Variants in WDR7 observed in about 807,000 individuals in gnomAD.
The protein encoded by WDR7 is WD repeat domain 7, also known as WD repeat-containing protein 7.
Under a neutral mutation model 169.4 loss-of-function variants are expected in WDR7, and 46 were observed. That is an observed-to-expected ratio of 0.27 (90% CI 0.21 to 0.35). WDR7 has a LOEUF of 0.35. WDR7 is among the 10% of genes least tolerant of loss of function. The pLI is 1.00. For synonymous variants in WDR7, 612 were observed against 666.8 expected (o/e 0.92, Z 1.27); for missense variants, 1,534 against 1,859.3 (o/e 0.83, Z 3.22).
intron 9 of WDR7, among the ~76,000 whole-genome samples, chr18:56,693,533 G>A (rs1325834748): frequency 1.4e-5 from 2 of 144,232 alleles, no homozygotes; most frequent in African/African-American, 2.5e-5. Flanking sequence ...TCCTCTAGTT[G>A]CACAAGCTTG....
chr18:56,890,207 C>G (rs2046246218), intron 21 of WDR7, among the ~76,000 whole-genome samples: 2 of 152,188 alleles, frequency 1.3e-5, no homozygotes, highest in East Asian at 1.9e-4. Flanking sequence ...CACTGCACCA[C>G]TAAATGGAAG....
chr18:57,022,801 G>T (rs1000459622), intron 27 of WDR7, among the ~76,000 whole-genome samples: 1 of 152,124 alleles, frequency 6.6e-6, no homozygotes, highest in Non-Finnish European at 1.5e-5. Context: ...TCCTTTTCAG[G>T]TAACATCTTT....
chr18:56,794,397 C>T (rs1323674947), intron 19 of WDR7, among the ~76,000 whole-genome samples: 2 of 136,652 alleles, frequency 1.5e-5, no homozygotes, highest in Admixed American at 8.3e-5. Flanking sequence ...GCAAGCTCTG[C>T]CTCCTGGGTT....
rs114804490 is a variant in WDR7 at position 56,779,110 on chromosome 18, A to G, written c.2948-321A>G. Among the ~76,000 whole-genome samples the G allele has an allele frequency of 2.2e-3, 342 of 152,256 alleles. 2 individuals are homozygous for G. Among genetic ancestry groups the G allele is most frequent in the African/African-American group, 7.7e-3 (319 of 41,566 alleles). ...TATGTGTTTATTTCTGTGTTTTGCC[A>G]TTCTTTAATATATATTTTATTTTAG... On this transcript the variant is annotated intron_variant, in intron 17 of 27. Transcript: ENST00000254442.
chr18:56,967,283 T>C (rs1036923430), intron 26 of WDR7, among the ~76,000 whole-genome samples: 1 of 152,040 alleles, frequency 6.6e-6, no homozygotes, highest in Non-Finnish European at 1.5e-5. Flanking sequence ...CTCCACTGAT[T>C]ATGGAGATCA....
At chr18:56,870,309 C>T (rs1056592194) in intron 20 of WDR7, among the ~76,000 whole-genome samples, 4 of 151,960 alleles carry the variant, frequency 2.6e-5, no homozygotes, top group South Asian at 2.1e-4. Flanking sequence ...CTTTAAGCAA[C>T]CCTAAGAATA....
intron 21 of WDR7, among the ~76,000 whole-genome samples, chr18:56,913,904 G>A (rs2046587362): frequency 6.6e-6 from 1 of 152,116 alleles, no homozygotes; most frequent in Non-Finnish European, 1.5e-5. Flanking sequence ...CCTCTCAGTA[G>A]GCCTCCCTAA....
At chr18:56,905,651 A>G (rs983666421) in intron 21 of WDR7, among the ~76,000 whole-genome samples, 2 of 150,682 alleles carry the variant, frequency 1.3e-5, no homozygotes, top group African/African-American at 2.4e-5. Context: ...ATCATATGAA[A>G]TTATACAGGT....
chr18:56,696,448 C>G lies in WDR7; in HGVS notation c.1564C>G (p.Pro522Ala). The G allele has an allele frequency of 6.2e-7, 1 of 1,612,634 alleles. No homozygotes were observed. Among genetic ancestry groups the G allele is most frequent in the Non-Finnish European group, 8.5e-7 (1 of 1,179,282 alleles). ...GGEITQLLVP[P>A]ENCSARVQHC... ...TGAGATTACTCAACTTCTAGTTCCA[C>G]CTGAAAACTGTAGTGTAAGTTGATT... The change falls in exon 12 of 28, where the codon CCT becomes GCT. Residue 522 changes from proline to alanine, a missense_variant. Pro to Ala is a conservative substitution (Grantham distance 27). Transcript: ENST00000254442.
intron 19 of WDR7, among the ~76,000 whole-genome samples, chr18:56,783,386 A>AAT: frequency 6.6e-6 from 1 of 152,306 alleles, no homozygotes; most frequent in Non-Finnish European, 1.5e-5. Flanking sequence ...TATTCCAGAA[A>AAT]ATATAGTTAG....
At chr18:57,008,127 C>CCGCG (rs1293500471) in intron 26 of WDR7, among the ~76,000 whole-genome samples, 2 of 152,148 alleles carry the variant, frequency 1.3e-5, no homozygotes, top group Non-Finnish European at 2.9e-5. Context: ...TCCCTATCCG[C>CCGCG]CGCGCCCTCC....
chr18:56,967,410 T>C (rs148914999), intron 26 of WDR7, among the ~76,000 whole-genome samples: 212 of 152,202 alleles, frequency 1.4e-3, no homozygotes, highest in Middle Eastern at 0.01. Context: ...AATTTTTTTT[T>C]TAAGTATCTA....
intron 6 of WDR7, 71 bp downstream of exon 6, chr18:56,686,103 GC>G: frequency 7.9e-7 from 1 of 1,272,178 alleles, no homozygotes; most frequent in Middle Eastern, 2.0e-4. Context: ...GTAATGATAT[GC>G]CCCTTCCATT....
At chr18:56,834,644 C>A (rs1289626214) in intron 20 of WDR7, among the ~76,000 whole-genome samples, 3 of 151,976 alleles carry the variant, frequency 2.0e-5, no homozygotes, top group Non-Finnish European at 2.9e-5. Context: ...CACTAGCAGA[C>A]CAGTGCAAGT....
chr18:56,856,888 T>C (rs1375880164), intron 20 of WDR7, among the ~76,000 whole-genome samples: 11 of 152,184 alleles, frequency 7.2e-5, no homozygotes. Flanking sequence ...TATGGTTACT[T>C]TCTCCCTTAT....
At chr18:56,795,752 TTTTA>T (rs1368500091) in intron 19 of WDR7, among the ~76,000 whole-genome samples, 1 of 152,224 alleles carries the variant, frequency 6.6e-6, no homozygotes, top group Non-Finnish European at 1.5e-5. Flanking sequence ...ATTTGTTTGA[TTTTA>T]TTTGTTTGTT....
chr18:56,685,764 T>C (rs934272150), intron 5 of WDR7, among the ~76,000 whole-genome samples, 192 bp from the exon 6 acceptor site: 3 of 152,246 alleles, frequency 2.0e-5, no homozygotes, highest in Non-Finnish European at 2.9e-5. Context: ...CCTTGAATTT[T>C]AAGTTGTTGG....
intron 20 of WDR7, among the ~76,000 whole-genome samples, chr18:56,827,929 TAGA>T (rs1015669478): frequency 1.3e-5 from 2 of 152,326 alleles, no homozygotes; most frequent in African/African-American, 2.4e-5. Flanking sequence ...GGAATGTTTT[TAGA>T]AGAACTGGAG....
At chr18:56,941,348 T>C (rs2047032923) in intron 25 of WDR7, among the ~76,000 whole-genome samples, 1 of 152,064 alleles carries the variant, frequency 6.6e-6, no homozygotes, top group African/African-American at 2.4e-5. Context: ...GTCTGCCAAA[T>C]GGAAAGAGGG....
Sources: gnomAD v4.1 joint callset for allele counts (sites outside exome capture counted in the v4.1 genomes callset) on GRCh38, gnomAD v4.1.1 for gene constraint, MANE v1.5 for transcripts, NCBI Gene and HGNC (gene_info 2026-07-23, HGNC 2026-07-21) for gene names.